Variants in KNTC1 observed in about 807,000 individuals in gnomAD.
KNTC1 encodes the protein kinetochore-associated protein 1.
In KNTC1, 253 loss-of-function variants were observed where a neutral mutation model predicts 314.4. That is an observed-to-expected ratio of 0.80 (90% CI 0.73 to 0.89). The LOEUF (loss-of-function observed/expected upper bound fraction) is 0.89, where lower values mean the gene tolerates loss of function less well. KNTC1 is among the 40% of genes least tolerant of loss of function. KNTC1 has a pLI of 0.00. For synonymous variants in KNTC1, 901 were observed against 901.4 expected, an observed-to-expected ratio of 1.00 and a Z score of 0.01; for missense variants, 2,475 against 2,572.9, an observed-to-expected ratio of 0.96 and a Z score of 0.82.
At position 122,573,072 on chromosome 12, in the gene KNTC1, A is replaced by G; in HGVS notation, c.2139+16A>G. 1.2e-6 allele frequency: 2 copies of G among 1,613,082 alleles called. No individual in the cohort carries two copies. Among genetic ancestry groups the G allele is most frequent in the South Asian group, 1.1e-5 (1 of 90,878 alleles). ...TTTTGAGAAGGTAAAGTCCAGGGTC[A>G]TAAGAATTATTTTGTATATCAAGTT... is the stretch of plus-strand genomic sequence containing the variant. On this transcript the variant is annotated intron_variant, in intron 25 of 63. Transcript: ENST00000333479.
intron 51 of KNTC1, among the ~76,000 whole-genome samples, chr12:122,606,767 C>T (rs941500847): frequency 2.6e-5 from 4 of 151,812 alleles, no homozygotes; most frequent in African/African-American, 9.7e-5. Flanking sequence ...TTCATCTCTC[C>T]TCTATAATTG....
intron 20 of KNTC1, chr12:122,563,828 C>T (rs955878625): frequency 6.9e-7 from 1 of 1,453,914 alleles, no homozygotes; most frequent in African/African-American, 1.4e-5. Context: ...GAGGCAAAGA[C>T]TTCAACAGAA....
intron 43 of KNTC1, among the ~76,000 whole-genome samples, chr12:122,595,676 A>G (rs1017864139): frequency 6.6e-6 from 1 of 152,246 alleles, no homozygotes; most frequent in African/African-American, 2.4e-5. Context: ...TAACAAAACT[A>G]TGTCATTCTT....
At chr12:122,541,806 G>A (rs1257845221) in intron 5 of KNTC1, among the ~76,000 whole-genome samples, 1 of 150,958 alleles carries the variant, frequency 6.6e-6, no homozygotes, top group African/African-American at 2.4e-5. Flanking sequence ...AGATCATGAG[G>A]TCAAGAGATC....
chr12:122,607,521 G>A (rs138779703), intron 51 of KNTC1, among the ~76,000 whole-genome samples: 6 of 152,142 alleles, frequency 3.9e-5, no homozygotes, highest in Non-Finnish European at 7.4e-5. Context: ...CTTATTTTTA[G>A]CATCATACTG....
At position 122,539,919 on chromosome 12, in the gene KNTC1, A is replaced by T. The variant is rs767097519; in HGVS notation, c.445+165A>T. On this transcript the variant is annotated intron_variant, in intron 5 of 63. Transcript: ENST00000333479. ...CTCAGCCTCCTGAGTAGCTGGGATT[A>T]CAGGTGTGTGCCACCACGCCCGGCT... Among the ~76,000 whole-genome samples the T allele has an allele frequency of 4.0e-4, 60 of 151,640 alleles. 2 individuals carry two copies. Among genetic ancestry groups the T allele is most frequent in the Middle Eastern group, 3.4e-3 (1 of 292 alleles).
At chr12:122,571,856 A>G (rs1430898752) in intron 24 of KNTC1, among the ~76,000 whole-genome samples, 1 of 151,890 alleles carries the variant, frequency 6.6e-6, no homozygotes, top group Non-Finnish European at 1.5e-5. Context: ...TACTTTTAGT[A>G]GAGACGGGAT....
At chr12:122,590,780 AT>A in intron 41 of KNTC1, 45 bp downstream of exon 41, 1 of 1,569,090 alleles carries the variant, frequency 6.4e-7, no homozygotes, top group East Asian at 2.3e-5. Context: ...AGTATTCAAG[AT>A]TGGGGGGGAG....
intron 19 of KNTC1, 27 bp from the exon 20 acceptor site, chr12:122,562,611 C>T: frequency 1.5e-6 from 2 of 1,342,496 alleles, no homozygotes; most frequent in South Asian, 1.2e-5. Context: ...CATATAAATT[C>T]AGATTATTAA....
chr12:122,546,335 C>T, intron 9 of KNTC1, 66 bp downstream of exon 9: 1 of 955,278 alleles, frequency 1.0e-6, no homozygotes, highest in South Asian at 1.4e-5. Flanking sequence ...TGTCAGTGTA[C>T]TTAGACTGAC....
chr12:122,614,668 G>C (rs934285786), intron 55 of KNTC1, among the ~76,000 whole-genome samples: 3 of 151,966 alleles, frequency 2.0e-5, no homozygotes, highest in Non-Finnish European at 4.4e-5. Flanking sequence ...AGCACTTCAG[G>C]TCAGGAGTTC....
At chr12:122,602,912 C>T (rs754582114) in intron 47 of KNTC1, 25 bp downstream of exon 47, 10 of 1,572,124 alleles carry the variant, frequency 6.4e-6, no homozygotes, top group African/African-American at 1.4e-5. Context: ...CATTGTAAGA[C>T]ATTTCTGTAT....
Position 122,594,378 on chromosome 12 carries a change from T to C in KNTC1, c.4348T>C (p.Tyr1450His). 3 of 1,537,758 alleles carry C rather than the reference T, an allele frequency of 2.0e-6. No individual in the cohort carries two copies. The South Asian group carries it at 3.4e-5, about 18-fold the overall frequency. Residue 1450 changes from tyrosine (Y) to histidine (H), a missense_variant, in exon 43 of 64, where the codon TAT (tyrosine) becomes CAT (histidine). Tyr to His is a moderately conservative substitution (Grantham distance 83). Coordinates refer to ENST00000333479, the MANE Select transcript of KNTC1 (RefSeq NM_014708.6). ...IDMDTSLILEYCSTFQLDCDA... is the reference protein window; with the variant it reads ...IDMDTSLILEHCSTFQLDCDA... ...TATGGACACAAGCCTCATTTTGGAA[T>C]ATTGCAGGTAATTCTTTAAACATTA...
chr12:122,537,303 T>G lies in KNTC1; in HGVS notation c.251-1036T>G, dbSNP rs529586678. Among the ~76,000 whole-genome samples the G allele has an allele frequency of 3.9e-5, 6 of 152,326 alleles. No individual in the cohort carries two copies. In the East Asian group the frequency reaches 1.2e-3, roughly 29 times the overall value. On this transcript the variant is annotated intron_variant, in intron 3 of 63. Transcript: ENST00000333479. ...CTCCTGTGAGCTTTCTAATTAACAC[T>G]GCAAAATGCACCATTCTTCTGAGCT... is the stretch of plus-strand genomic sequence containing the variant.
rs529135542 is a variant in KNTC1, at chr12:122,551,534, A to C, written c.1196+11A>C. The C allele has an allele frequency of 8.8e-6, 14 of 1,592,138 alleles. No homozygotes were observed. Among genetic ancestry groups the C allele is most frequent in the South Asian group, 1.1e-5 (1 of 90,032 alleles). On this transcript the variant is annotated intron_variant, in intron 15 of 63. Transcript: ENST00000333479. ...TTTACCAGAAAACAGGTAACTTCTC[A>C]TTTTTTTTTAAGCTTTATCCTTTAG...
chr12:122,593,910 A>T (rs1870671945), intron 42 of KNTC1: 1 of 172,734 alleles, frequency 5.8e-6, no homozygotes, highest in Non-Finnish European at 1.2e-5. Flanking sequence ...TGTTTTCTTT[A>T]CCAAAAATAT....
rs753767283 is a variant in KNTC1 at position 122,613,610 on chromosome 12, C to T, written c.5742-16C>T. 17 of 1,580,208 alleles carry T rather than the reference C, an allele frequency of 1.1e-5. No individual in the cohort carries two copies. In the Admixed American group the frequency reaches 1.9e-4, roughly 18 times the overall value. ...GGCCTATGAGAATGATTCTTAGAAA[C>T]GTTTCTGTTTTCCAGATCTTATTTG... On this transcript the variant is annotated splice_polypyrimidine_tract_variant and intron_variant, in intron 54 of 63. Coordinates refer to ENST00000333479, the MANE Select transcript of KNTC1 (RefSeq NM_014708.6).
chr12:122,609,602 C>T (rs1190792322), intron 52 of KNTC1, among the ~76,000 whole-genome samples, 172 bp downstream of exon 52: 1 of 151,882 alleles, frequency 6.6e-6, no homozygotes, highest in Non-Finnish European at 1.5e-5. Flanking sequence ...CAGTGGAAAA[C>T]ATCAGAGCCA....
At chr12:122,548,772 A>G (rs1187272598) in intron 12 of KNTC1, among the ~76,000 whole-genome samples, 1 of 152,008 alleles carries the variant, frequency 6.6e-6, no homozygotes, top group African/African-American at 2.4e-5. Flanking sequence ...GTTTGAGACC[A>G]GTCTGGACAA....
Sources: allele counts gnomAD v4.1 joint callset (sites outside exome capture counted in the v4.1 genomes callset), GRCh38; gene constraint gnomAD v4.1.1; transcripts MANE v1.5; gene names NCBI Gene and HGNC (gene_info 2026-07-23, HGNC 2026-07-21).